Variants in COL4A6 observed in about 807,000 individuals in gnomAD.
COL4A6 encodes the protein collagen alpha-6(IV) chain.
A neutral mutation model predicts 126.7 loss-of-function variants in COL4A6; 59 were observed. The observed-to-expected ratio is 0.47, with a 90% CI of 0.38 to 0.58. The LOEUF (loss-of-function observed/expected upper bound fraction) is 0.58, where lower values mean the gene tolerates loss of function less well. COL4A6 is among the 20% of genes least tolerant of loss of function. COL4A6 has a pLI of 0.00. For synonymous variants in COL4A6, 547 were observed against 496.6 expected, an observed-to-expected ratio of 1.10 and a Z score of -1.35; for missense variants, 1,285 against 1,337.3, an observed-to-expected ratio of 0.96 and a Z score of 0.61.
At chrX:108,376,218 T>C (rs1436070576) in intron 2 of COL4A6, among the ~76,000 whole-genome samples, 1 of 111,772 alleles carries the variant, frequency 8.9e-6, no homozygotes, top group Admixed American at 9.6e-5. Flanking sequence ...AAGAGTGTTA[T>C]TTCTGAAGAC....
At chrX:108,388,852 T>C (rs2148162703) in intron 2 of COL4A6, among the ~76,000 whole-genome samples, 1 of 112,018 alleles carries the variant, frequency 8.9e-6, no homozygotes, top group East Asian at 2.8e-4. Flanking sequence ...TGTGGGCATT[T>C]AGTGCTATAC....
intron 2 of COL4A6, among the ~76,000 whole-genome samples, chrX:108,313,341 A>G (rs534617647): frequency 8.9e-6 from 1 of 112,052 alleles, no homozygotes; most frequent in South Asian, 3.8e-4. Context: ...CAAGAAAATT[A>G]AAACTGGAAA....
At chrX:108,241,726 G>C (rs753249403) in intron 3 of COL4A6, among the ~76,000 whole-genome samples, 1 of 108,001 alleles carries the variant, frequency 9.3e-6, no homozygotes, top group African/African-American at 3.4e-5. Context: ...TCTTCTGCCA[G>C]ATTATTCTAA....
chrX:108,162,535 T>A (rs1339907391), intron 41 of COL4A6, among the ~76,000 whole-genome samples: 1 of 110,946 alleles, frequency 9.0e-6, no homozygotes, highest in Non-Finnish European at 1.9e-5. Flanking sequence ...TCTAACTTAC[T>A]CCAATTAGAG....
rs185737045 is a variant in COL4A6, at chrX:108,382,012, A to G, written c.63+55930T>C. Among the ~76,000 whole-genome samples, 20 of 108,842 alleles carry G rather than the reference A, an allele frequency of 1.8e-4. No homozygotes were observed. In the East Asian group the frequency reaches 5.5e-3, roughly 30 times the overall value. 94.5% of individuals were successfully genotyped at this position (108,842 alleles called of 115,157 possible). A position where few individuals can be genotyped will look rare whatever the true frequency, so the allele number is the denominator to read the frequency against. On this transcript the variant is annotated intron_variant, in intron 2 of 44. Transcript: ENST00000334504. ...AATTTTCTTTTTTACCCTCTTTTTTATTTTCCTATTTTAGGCACTCATTAT... is the reference window on the plus strand; with the variant it reads ...AATTTTCTTTTTTACCCTCTTTTTTGTTTTCCTATTTTAGGCACTCATTAT...
chrX:108,310,873 G>A, intron 2 of COL4A6, 45 bp from the exon 3 acceptor site: 1 of 1,045,665 alleles, frequency 9.6e-7, no homozygotes, highest in Non-Finnish European at 1.3e-6. Context: ...GAACCAAGAA[G>A]CAATGTTGTC....
intron 3 of COL4A6, among the ~76,000 whole-genome samples, chrX:108,240,064 GA>G (rs1035740390): frequency 8.1e-5 from 9 of 110,825 alleles, no homozygotes; most frequent in Admixed American, 2.9e-4. Flanking sequence ...CCAACATGGT[GA>G]AACCTCGTCT....
intron 2 of COL4A6, among the ~76,000 whole-genome samples, chrX:108,364,782 T>C (rs1229026612): frequency 1.8e-5 from 2 of 112,037 alleles, no homozygotes; most frequent in Non-Finnish European, 3.8e-5. Context: ...TAGTATTCCA[T>C]TGTATACCAC....
intron 2 of COL4A6, among the ~76,000 whole-genome samples, chrX:108,334,713 A>G: frequency 9.0e-6 from 1 of 111,535 alleles, no homozygotes; most frequent in Non-Finnish European, 1.9e-5. Flanking sequence ...AGTGTGTGGT[A>G]TAGTAAATTC....
chrX:108,321,475 A>G (rs2039026623), intron 2 of COL4A6, among the ~76,000 whole-genome samples: 1 of 111,560 alleles, frequency 9.0e-6, no homozygotes, highest in Non-Finnish European at 1.9e-5. Context: ...GGTACTTTTT[A>G]TCAATATTAC....
chrX:108,309,053 A>G (rs1270515072), intron 3 of COL4A6, among the ~76,000 whole-genome samples: 1 of 112,105 alleles, frequency 8.9e-6, no homozygotes, highest in Non-Finnish European at 1.9e-5. Context: ...TTTGGAAAAG[A>G]AAATCAGATA....
At chrX:108,253,804 G>A (rs375572027) in intron 3 of COL4A6, among the ~76,000 whole-genome samples, 57 of 111,717 alleles carry the variant, frequency 5.1e-4, no homozygotes, top group African/African-American at 1.8e-3. Flanking sequence ...TGATTCACAA[G>A]CCTTTGGGAA....
intron 2 of COL4A6, among the ~76,000 whole-genome samples, chrX:108,364,390 A>G (rs1008351826): frequency 2.7e-5 from 3 of 110,522 alleles, no homozygotes; most frequent in Non-Finnish European, 5.7e-5. Flanking sequence ...AGTGTTACAT[A>G]GGACATGTTT....
At position 108,204,593 on chromosome X, in the gene COL4A6, G is replaced by A. The variant is rs767976991; in HGVS notation, c.688-181C>T. The A allele has an allele frequency of 9.4e-6, 5 of 530,704 alleles. No individual in the cohort carries two copies. The South Asian group carries it at 1.2e-4, about 13-fold the overall frequency. The allele number at this position is 530,704 out of a possible 1,213,427, so 43.7% of individuals were successfully genotyped here. A position where few individuals can be genotyped will look rare whatever the true frequency, so the allele number is the denominator to read the frequency against. On this transcript the variant is annotated intron_variant, in intron 11 of 44. Coordinates refer to ENST00000334504, the MANE Select transcript of COL4A6 (RefSeq NM_033641.4). ...AAAGGGTGAGAAGAATTATAAGCCC[G>A]ACCAGTGAATTTTGTACCAGCACTG...
Position 108,215,718 on chromosome X carries a change from C to T in COL4A6, c.325-1490G>A, listed in dbSNP as rs145454419. 4.0e-3 allele frequency among the ~76,000 whole-genome samples: 442 copies of T among 111,198 alleles called. 6 individuals carry two copies. The highest frequency in any genetic ancestry group is 0.013 in the African/African-American group (411 of 30,637). ...TTTTTCCATAGTCTTAGTTCCTATTCGGCAACAGCTTTTTCATGGTTCCAG... is the reference window on the plus strand; with the variant it reads ...TTTTTCCATAGTCTTAGTTCCTATTTGGCAACAGCTTTTTCATGGTTCCAG... On this transcript the variant is annotated intron_variant, in intron 5 of 44. Coordinates refer to ENST00000334504, the MANE Select transcript of COL4A6 (RefSeq NM_033641.4).
chrX:108,221,117 T>C (rs1367003196), intron 4 of COL4A6, 123 bp downstream of exon 4: 1 of 977,554 alleles, frequency 1.0e-6, no homozygotes, highest in Non-Finnish European at 1.4e-6. Context: ...AATGCAGAAA[T>C]GCAGCCTGGC....
At chrX:108,390,994 GT>G (rs2040824635) in intron 2 of COL4A6, among the ~76,000 whole-genome samples, 1 of 111,380 alleles carries the variant, frequency 9.0e-6, no homozygotes, top group Admixed American at 9.5e-5. Context: ...GTCTGCTGGA[GT>G]TTGCTGGAGG....
chrX:108,252,675 A>G (rs1265926059), intron 3 of COL4A6, among the ~76,000 whole-genome samples: 1 of 88,225 alleles, frequency 1.1e-5, no homozygotes, highest in Non-Finnish European at 2.3e-5. Context: ...TTACCCTGAT[A>G]TTAAAACCAG....
chrX:108,411,537 T>A, intron 2 of COL4A6, among the ~76,000 whole-genome samples: 1 of 111,207 alleles, frequency 9.0e-6, no homozygotes, highest in Non-Finnish European at 1.9e-5. Flanking sequence ...TCAAGAAGAG[T>A]TGAAGTGAAT....
Sources: gnomAD v4.1 joint callset for allele counts (sites outside exome capture counted in the v4.1 genomes callset) on GRCh38, gnomAD v4.1.1 for gene constraint, MANE v1.5 for transcripts, NCBI Gene and HGNC (gene_info 2026-07-23, HGNC 2026-07-21) for gene names.